The following UBAP2 variants were observed in gnomAD, a reference collection of about 807,000 sequenced individuals.
UBAP2 encodes ubiquitin associated protein 2.
A neutral mutation model predicts 139.6 loss-of-function variants in UBAP2; 75 were observed. That is an observed-to-expected ratio of 0.54 (90% CI 0.45 to 0.65). The LOEUF (loss-of-function observed/expected upper bound fraction) is 0.65. UBAP2 is among the 30% of genes least tolerant of loss of function. The probability of loss-of-function intolerance (pLI) is 0.00; values close to 1 mark genes in which losing one functional copy is unlikely to be tolerated. For missense variants in UBAP2, 1,368 were observed against 1,369.6 expected (o/e 1.00, Z 0.02); for synonymous variants, 526 against 526.2 (o/e 1.00, Z 0.01).
chr9:34,038,648 A>G (rs1266389360), intron 1 of UBAP2, among the ~76,000 whole-genome samples: 1 of 151,996 alleles, frequency 6.6e-6, no homozygotes, highest in African/African-American at 2.4e-5. Flanking sequence ...TCCACCTCCC[A>G]CCCGCCTGCC....
At position 33,924,254 on chromosome 9, in the gene UBAP2, T is replaced by C. The variant is rs778972139; in HGVS notation, c.2542A>G (p.Thr848Ala). The C allele has an allele frequency of 6.2e-7, 1 of 1,614,134 alleles. No homozygotes were observed. The highest frequency in any genetic ancestry group is 1.1e-5 in the South Asian group (1 of 91,084). ...CTCCCATCTCGGCTGGCAAGCGCTG[T>C]GGGTGCAGCAAAGGGAATTCCATAG... ...DYYGIPFAAP[T>A]ALASRDGSLA... The change falls in exon 23 of 29, where the codon ACA becomes GCA. Residue 848 changes from threonine (T) to alanine (A), a missense_variant. Coordinates refer to ENST00000379238, the MANE Select transcript of UBAP2 (RefSeq NM_001370062.2).
At chr9:33,923,537 G>A in intron 24 of UBAP2, 59 bp from the exon 25 acceptor site, 1 of 1,547,038 alleles carries the variant, frequency 6.5e-7, no homozygotes, top group Non-Finnish European at 8.9e-7. Flanking sequence ...GGCTGGTCAG[G>A]TACCCCTGCC....
chr9:34,028,562 G>A (rs1825618200), intron 1 of UBAP2, among the ~76,000 whole-genome samples: 1 of 151,614 alleles, frequency 6.6e-6, no homozygotes, highest in African/African-American at 2.4e-5. Context: ...TGTATTTTTG[G>A]TAGAGATGGG....
rs183781965 is a variant in UBAP2, at chr9:34,030,366, G to A, written c.-41-13177C>T. Among the ~76,000 whole-genome samples, 298 of 150,496 alleles carry A rather than the reference G, an allele frequency of 2.0e-3. 1 individual carries two copies. The highest frequency in any genetic ancestry group is 0.014 in the Middle Eastern group (4 of 286). ...TGGGAGGCTGAGGCAGGAGAATGGCGTGAACCCGGAAGGCGGAGGTTGCAG... is the reference window on the plus strand; with the variant it reads ...TGGGAGGCTGAGGCAGGAGAATGGCATGAACCCGGAAGGCGGAGGTTGCAG... On this transcript the variant is annotated intron_variant, in intron 1 of 28. Coordinates refer to ENST00000379238, the MANE Select transcript of UBAP2 (RefSeq NM_001370062.2).
chr9:33,940,507 T>G (rs1273282001), intron 16 of UBAP2, among the ~76,000 whole-genome samples: 2 of 152,204 alleles, frequency 1.3e-5, no homozygotes, highest in Admixed American at 1.3e-4. Flanking sequence ...CCCAGTGTAG[T>G]GGCTCACCCT....
chr9:34,036,426 G>T (rs930059361), intron 1 of UBAP2, among the ~76,000 whole-genome samples: 1 of 151,970 alleles, frequency 6.6e-6, no homozygotes, highest in African/African-American at 2.4e-5. Context: ...CTTGATACTT[G>T]ATTCTATAGG....
At chr9:34,008,525 C>T (rs1028588243) in intron 2 of UBAP2, among the ~76,000 whole-genome samples, 1 of 152,060 alleles carries the variant, frequency 6.6e-6, no homozygotes, top group Non-Finnish European at 1.5e-5. Flanking sequence ...AGACGGATCA[C>T]CTGAGGTCAG....
At chr9:34,010,622 T>C (rs867245525) in intron 2 of UBAP2, among the ~76,000 whole-genome samples, 2 of 152,122 alleles carry the variant, frequency 1.3e-5, no homozygotes, top group Non-Finnish European at 2.9e-5. Flanking sequence ...CATATGGATA[T>C]TGACTGTACA....
chr9:33,997,403 G>C (rs1822295505), intron 3 of UBAP2: 1 of 152,196 alleles, frequency 6.6e-6, no homozygotes. Context: ...AACATATCAA[G>C]TGATTTGTCT....
At chr9:33,943,705 A>G (rs1825425830) in intron 14 of UBAP2, 116 bp from the exon 15 acceptor site, 3 of 901,000 alleles carry the variant, frequency 3.3e-6, no homozygotes, top group South Asian at 3.7e-5. Flanking sequence ...AAGAAGAAGG[A>G]GTGAGAAACA....
At chr9:33,967,474 G>A (rs111728100) in intron 8 of UBAP2, among the ~76,000 whole-genome samples, 10 of 152,124 alleles carry the variant, frequency 6.6e-5, no homozygotes, top group African/African-American at 2.4e-4. Context: ...TCTGATTAAG[G>A]AAATTCCTTG....
chr9:33,971,582 T>C, intron 8 of UBAP2, 69 bp downstream of exon 8: 1 of 899,082 alleles, frequency 1.1e-6, no homozygotes, highest in Non-Finnish European at 1.9e-6. Flanking sequence ...TTCATCTTTG[T>C]ATGAGAACAT....
At chr9:33,953,993 G>C (rs1034161937) in intron 11 of UBAP2, among the ~76,000 whole-genome samples, 1 of 151,204 alleles carries the variant, frequency 6.6e-6, no homozygotes, top group Non-Finnish European at 1.5e-5. Flanking sequence ...TGCAACCTCT[G>C]CCTCCCAGGC....
intron 13 of UBAP2, among the ~76,000 whole-genome samples, chr9:33,947,808 G>C (rs1447208727): frequency 6.8e-6 from 1 of 147,516 alleles, no homozygotes. Context: ...CTGTGCAACA[G>C]AGCAAGATCC....
chr9:33,948,907 T>C (rs1825863120), intron 12 of UBAP2: 1 of 236,808 alleles, frequency 4.2e-6, no homozygotes, highest in South Asian at 6.2e-5. Context: ...CCCAACACTT[T>C]GGGAGGCCAA....
intron 6 of UBAP2, among the ~76,000 whole-genome samples, chr9:33,983,070 G>T (rs1256050017): frequency 6.6e-6 from 1 of 151,922 alleles, no homozygotes; most frequent in Admixed American, 6.6e-5. Flanking sequence ...AGTAGAGACA[G>T]GGTTTCACTA....
chr9:33,965,708 T>C (rs1358923479), intron 8 of UBAP2, among the ~76,000 whole-genome samples: 1 of 152,234 alleles, frequency 6.6e-6, no homozygotes, highest in Non-Finnish European at 1.5e-5. Context: ...TACTATGCTA[T>C]TGATTTATGT....
chr9:33,931,098 A>G (rs553841731), intron 19 of UBAP2, among the ~76,000 whole-genome samples: 19 of 152,294 alleles, frequency 1.2e-4, no homozygotes, highest in Middle Eastern at 3.4e-3. Flanking sequence ...TGACCCCTGA[A>G]CAACACAGGC....
At chr9:34,033,899 C>T (rs12237564) in intron 1 of UBAP2, among the ~76,000 whole-genome samples, 1 of 152,066 alleles carries the variant, frequency 6.6e-6, no homozygotes, top group East Asian at 1.9e-4. Context: ...CCATGCCTGG[C>T]TAATTTTTGC....
Sources: allele counts gnomAD v4.1 joint callset (sites outside exome capture counted in the v4.1 genomes callset), GRCh38; gene constraint gnomAD v4.1.1; transcripts MANE v1.5; gene names NCBI Gene and HGNC (gene_info 2026-07-23, HGNC 2026-07-21).